Variants in CBLN2 observed in about 807,000 individuals in gnomAD.
CBLN2 encodes the protein cerebellin-2.
Under a neutral mutation model 15.0 loss-of-function variants are expected in CBLN2, and 7 were observed. The observed-to-expected ratio is 0.47, with a 90% CI of 0.27 to 0.88. The LOEUF is 0.88. Ranked by LOEUF, CBLN2 falls within the 40% of genes least tolerant of loss-of-function variation. CBLN2 has a pLI of 0.14. For missense variants in CBLN2, 242 were observed against 304.5 expected (o/e 0.79, Z 1.53); for synonymous variants, 149 against 135.2 (o/e 1.10, Z -0.71).
chr18:72,591,988 A>G (rs2069482863), intron 1 of CBLN2, among the ~76,000 whole-genome samples: 1 of 152,110 alleles, frequency 6.6e-6, no homozygotes, highest in Admixed American at 6.5e-5. Context: ...TCAACATACT[A>G]ATTCTCTTTC....
intron 1 of CBLN2, among the ~76,000 whole-genome samples, chr18:72,606,902 A>G (rs1232788105): frequency 6.6e-6 from 1 of 152,238 alleles, no homozygotes; most frequent in Non-Finnish European, 1.5e-5. Flanking sequence ...GCGCTCTTTC[A>G]TGCACACAGT....
At chr18:72,570,561 G>T (rs1229418192) in intron 1 of CBLN2, among the ~76,000 whole-genome samples, 1 of 151,926 alleles carries the variant, frequency 6.6e-6, no homozygotes. Context: ...CAACAGCATT[G>T]TAACTCATGC....
At chr18:72,615,175 AT>A (rs1491519099) in intron 1 of CBLN2, among the ~76,000 whole-genome samples, 2 of 133,308 alleles carry the variant, frequency 1.5e-5, no homozygotes, top group Admixed American at 1.6e-4. Flanking sequence ...ATAAATATAT[AT>A]TTATATATTA....
At chr18:72,583,505 T>C (rs980259661) in intron 1 of CBLN2, among the ~76,000 whole-genome samples, 2 of 152,186 alleles carry the variant, frequency 1.3e-5, no homozygotes, top group South Asian at 2.1e-4. Context: ...ATGAATTCCA[T>C]TTATCCTGGA....
chr18:72,541,058 C>T (rs1458820715), intron 3 of CBLN2, among the ~76,000 whole-genome samples: 2 of 152,170 alleles, frequency 1.3e-5, no homozygotes, highest in Non-Finnish European at 2.9e-5. Context: ...TTTAGAAAGG[C>T]CTGATCATAT....
At chr18:72,621,870 G>GA (rs2069703002) in intron 1 of CBLN2, among the ~76,000 whole-genome samples, 1 of 151,968 alleles carries the variant, frequency 6.6e-6, no homozygotes, top group Non-Finnish European at 1.5e-5. Flanking sequence ...AAAACTGATG[G>GA]AAAAAAACAG....
At chr18:72,596,238 G>C (rs1238898374) in intron 1 of CBLN2, among the ~76,000 whole-genome samples, 1 of 151,848 alleles carries the variant, frequency 6.6e-6, no homozygotes, top group African/African-American at 2.4e-5. Context: ...TATTGCCCAT[G>C]ATTTGAAACT....
intron 1 of CBLN2, chr18:72,620,347 T>G (rs1443007456): frequency 6.6e-6 from 1 of 152,110 alleles, no homozygotes; most frequent in East Asian, 1.9e-4. Context: ...ATGGTGAATG[T>G]AGACAATTTC....
rs1441464605 is a variant in CBLN2, at chr18:72,573,834, G to A, written c.16-35062C>T. Among the ~76,000 whole-genome samples the A allele has an allele frequency of 2.0e-5, 3 of 152,152 alleles. No homozygotes were observed. In the East Asian group the frequency reaches 5.8e-4, roughly 29 times the overall value. Reference sequence around the variant, plus strand: ...GTGGGTACAACTGTCGCATCTTACGGTAAGTAGTTTTGTAAGAAACTGCAA... The same window carrying A: ...GTGGGTACAACTGTCGCATCTTACGATAAGTAGTTTTGTAAGAAACTGCAA... On this transcript the variant is annotated intron_variant, in intron 1 of 2. Transcript: ENST00000581073.
intron 1 of CBLN2, among the ~76,000 whole-genome samples, chr18:72,628,730 A>G (rs550513167): frequency 1.3e-5 from 2 of 152,348 alleles, no homozygotes; most frequent in South Asian, 2.1e-4. Flanking sequence ...ACATTTATGG[A>G]CAAATGTTTG....
upstream of CBLN2, among the ~76,000 whole-genome samples, chr18:72,546,664 G>A (rs2144876153): frequency 6.6e-6 from 1 of 152,210 alleles, no homozygotes; most frequent in South Asian, 2.1e-4. Flanking sequence ...GCCATTTATG[G>A]AACACCTGTG....
intron 1 of CBLN2, among the ~76,000 whole-genome samples, chr18:72,615,251 ATT>A (rs1182543601): frequency 7.6e-6 from 1 of 131,166 alleles, no homozygotes; most frequent in Non-Finnish European, 1.6e-5. Flanking sequence ...ATAAATATAT[ATT>A]TATATATGTA....
At chr18:72,553,936 G>C (rs1176166301) in intron 1 of CBLN2, among the ~76,000 whole-genome samples, 1 of 152,138 alleles carries the variant, frequency 6.6e-6, no homozygotes, top group Admixed American at 6.5e-5. Context: ...TCGTTTTTCA[G>C]CTTATGCCTA....
chr18:72,561,882 CA>C (rs1217244265), intron 1 of CBLN2, among the ~76,000 whole-genome samples: 4 of 152,092 alleles, frequency 2.6e-5, no homozygotes, highest in East Asian at 1.9e-4. Context: ...TATTATATGT[CA>C]GGGGTAAATA....
rs908534662 is a variant in CBLN2, at chr18:72,585,731, A to G, written c.16-46959T>C. 1.3e-5 allele frequency among the ~76,000 whole-genome samples: 2 copies of G among 152,168 alleles called. 1 individual carries two copies. The highest frequency in any genetic ancestry group is 4.1e-4 in the South Asian group (2 of 4,830). On this transcript the variant is annotated intron_variant, in intron 1 of 2. Transcript: ENST00000581073. Reference sequence around the variant, plus strand: ...CTGCCTCCTGCTGCCATCAACCTCCAGGGTGCCCAGGCTATTCGTACCAAT... The same window carrying G: ...CTGCCTCCTGCTGCCATCAACCTCCGGGGTGCCCAGGCTATTCGTACCAAT...
chr18:72,575,572 A>G (rs2069360480), intron 1 of CBLN2, among the ~76,000 whole-genome samples: 1 of 152,150 alleles, frequency 6.6e-6, no homozygotes, highest in South Asian at 2.1e-4. Context: ...GTCCTGTACT[A>G]AAAGCCCTGT....
chr18:72,550,388 A>C (rs527938010), intron 1 of CBLN2, among the ~76,000 whole-genome samples: 15 of 152,312 alleles, frequency 9.8e-5, no homozygotes, highest in African/African-American at 3.6e-4. Flanking sequence ...GGTAAGGAAA[A>C]ACCTCAATGA....
chr18:72,613,377 G>A (rs750955481), intron 1 of CBLN2, among the ~76,000 whole-genome samples: 9 of 152,160 alleles, frequency 5.9e-5, no homozygotes, highest in Non-Finnish European at 1.3e-4. Flanking sequence ...GGATTGAAGT[G>A]TGCCACTTAC....
At chr18:72,613,310 T>C (rs1355630580) in intron 1 of CBLN2, among the ~76,000 whole-genome samples, 1 of 152,208 alleles carries the variant, frequency 6.6e-6, no homozygotes, top group East Asian at 1.9e-4. Context: ...TGTAGGTCTC[T>C]CTATAGTGCC....
Sources: allele counts gnomAD v4.1 joint callset (sites outside exome capture counted in the v4.1 genomes callset), GRCh38; gene constraint gnomAD v4.1.1; transcripts MANE v1.5; gene names NCBI Gene and HGNC (gene_info 2026-07-23, HGNC 2026-07-21).